The following DAB1 variants were observed in gnomAD, a reference collection of about 807,000 sequenced individuals.
DAB1 encodes DAB adaptor protein 1, also known as disabled homolog 1.
DAB1 carries 15 observed loss-of-function variants against 64.6 expected under a neutral mutation model. The ratio of observed to expected loss-of-function variants is 0.23; its 90% CI spans 0.16 to 0.36. The LOEUF (loss-of-function observed/expected upper bound fraction) is 0.36. Among genes scored for constraint, DAB1 ranks in the 10% least tolerant of loss-of-function variants. The pLI, the probability that DAB1 is intolerant of heterozygous loss-of-function variation, is 1.00. For synonymous variants in DAB1, 235 were observed against 251.9 expected (o/e 0.93, Z 0.64); for missense variants, 596 against 706.7 (o/e 0.84, Z 1.78).
intron 7 of DAB1, among the ~76,000 whole-genome samples, chr1:57,512,437 G>A (rs371739670): frequency 3.3e-5 from 5 of 152,300 alleles, no homozygotes; most frequent in African/African-American, 1.2e-4. Flanking sequence ...TGGGTGGAAG[G>A]CTCTAGGAAG....
At position 58,266,123 on chromosome 1, in the gene DAB1, A is replaced by G. The variant is rs575914828; in HGVS notation, n.309+77229T>C. 7.2e-5 allele frequency among the ~76,000 whole-genome samples: 11 copies of G among 152,108 alleles called. No homozygotes were observed. In the South Asian group the frequency reaches 2.3e-3, roughly 32 times the overall value. ...AGTGCATATCAAATGTGAGCTTGAC[A>G]GGGCTATGATTTAAATACAAAGATG... On this transcript the variant is annotated intron_variant and non_coding_transcript_variant, in intron 4 of 20. Transcript: ENST00000485760.
At position 57,751,130 on chromosome 1, in the gene DAB1, C is replaced by T. The variant is rs184405247; in HGVS notation, n.552-101465G>A. Among the ~76,000 whole-genome samples the T allele has an allele frequency of 7.2e-5, 11 of 152,090 alleles. No individual in the cohort carries two copies. In the Middle Eastern group the frequency reaches 0.01, roughly 141 times the overall value. ...TACACAATCCAAAGGTTGATCAGAC[C>T]GACTGACTACCTGGGAGGTGGCCTA... On this transcript the variant is annotated intron_variant and non_coding_transcript_variant, in intron 6 of 20. Transcript: ENST00000485760.
chr1:58,300,610 A>AAGAAAGAGAGAGAGAG (rs1271283598), intron 4 of DAB1, among the ~76,000 whole-genome samples: 1 of 47,008 alleles, frequency 2.1e-5, no homozygotes, highest in Non-Finnish European at 4.8e-5. Context: ...GAAAGAAAGA[A>AAGAAAGAGAGAGAGAG]AGAGAGAGAG....
chr1:58,107,516 G>A (rs1200642085), intron 5 of DAB1, among the ~76,000 whole-genome samples: 1 of 151,806 alleles, frequency 6.6e-6, no homozygotes, highest in Non-Finnish European at 1.5e-5. Context: ...CTAGCAGTCA[G>A]GGTGCCAGGG....
intron 9 of DAB1, among the ~76,000 whole-genome samples, chr1:57,036,971 A>G (rs1183386593): frequency 4.6e-5 from 7 of 152,180 alleles, no homozygotes; most frequent in Admixed American, 4.6e-4. Flanking sequence ...AAATCTCACA[A>G]AGGAAGAAAA....
intron 4 of DAB1, among the ~76,000 whole-genome samples, chr1:58,242,908 A>G (rs946776186): frequency 6.6e-6 from 1 of 152,134 alleles, no homozygotes; most frequent in Admixed American, 6.5e-5. Flanking sequence ...AAAATAACAT[A>G]AGCAAATGGC....
chr1:58,010,308 T>C (rs1221584017), intron 5 of DAB1, among the ~76,000 whole-genome samples: 1 of 152,152 alleles, frequency 6.6e-6, no homozygotes, highest in Non-Finnish European at 1.5e-5. Context: ...GAAAGAAGGA[T>C]CATATTTTGC....
At chr1:58,246,289 C>T (rs55889715) in intron 4 of DAB1, among the ~76,000 whole-genome samples, 3,926 of 152,218 alleles carry the variant, frequency 0.026, 74 homozygotes, top group African/African-American at 0.041. Flanking sequence ...ATGGGTAAGC[C>T]CCTGCTTTCA....
intron 4 of DAB1, among the ~76,000 whole-genome samples, chr1:58,224,691 T>C (rs141109470): frequency 1.4e-4 from 22 of 152,170 alleles, no homozygotes; most frequent in African/African-American, 4.8e-4. Context: ...TAATCCCCAT[T>C]TAGTAGATTT....
At chr1:57,485,029 A>G (rs966192311) in intron 7 of DAB1, among the ~76,000 whole-genome samples, 1 of 152,208 alleles carries the variant, frequency 6.6e-6, no homozygotes, top group African/African-American at 2.4e-5. Flanking sequence ...TGAACACATC[A>G]AAAGCTGTAG....
At chr1:57,796,059 A>T (rs531466664) in intron 6 of DAB1, among the ~76,000 whole-genome samples, 1 of 152,170 alleles carries the variant, frequency 6.6e-6, no homozygotes, top group Admixed American at 6.5e-5. Flanking sequence ...TGCAGATAAA[A>T]TGTAATTTAT....
intron 3 of DAB1, among the ~76,000 whole-genome samples, chr1:58,360,719 C>T (rs1026519657): frequency 7.9e-5 from 12 of 152,094 alleles, no homozygotes; most frequent in Non-Finnish European, 7.3e-5. Context: ...AAATACTGCG[C>T]TAATGAGAGA....
At chr1:57,690,028 T>C (rs1373623885) in intron 6 of DAB1, among the ~76,000 whole-genome samples, 1 of 152,228 alleles carries the variant, frequency 6.6e-6, no homozygotes, top group Non-Finnish European at 1.5e-5. Flanking sequence ...TGTGTCTGGC[T>C]TATTCCACTT....
chr1:57,782,805 T>C (rs1650160679), intron 6 of DAB1, among the ~76,000 whole-genome samples: 1 of 152,154 alleles, frequency 6.6e-6, no homozygotes, highest in African/African-American at 2.4e-5. Context: ...CGGTGATAAT[T>C]GGGTGCATGT....
At chr1:58,089,331 C>T (rs534065480) in intron 5 of DAB1, among the ~76,000 whole-genome samples, 83 of 152,358 alleles carry the variant, frequency 5.4e-4, no homozygotes, top group South Asian at 2.3e-3. Flanking sequence ...GTGCATGCAG[C>T]GCCTAGAACT....
intron 6 of DAB1, among the ~76,000 whole-genome samples, chr1:57,673,362 T>G (rs949205528): frequency 6.6e-6 from 1 of 152,178 alleles, no homozygotes; most frequent in Non-Finnish European, 1.5e-5. Context: ...TATGTGTTAT[T>G]TGAAACTTAC....
chr1:58,300,685 G>A, intron 4 of DAB1, among the ~76,000 whole-genome samples: 1 of 144,436 alleles, frequency 6.9e-6, no homozygotes, highest in African/African-American at 2.6e-5. Flanking sequence ...AGGAAGGAAG[G>A]AAGGAAGGAA....
At chr1:58,377,385 A>G (rs1252547362) in intron 3 of DAB1, among the ~76,000 whole-genome samples, 1 of 140,714 alleles carries the variant, frequency 7.1e-6, no homozygotes, top group Non-Finnish European at 1.6e-5. Flanking sequence ...GTGGTGACAA[A>G]ATCGGTCAGC....
At chr1:57,843,802 G>A (rs965060516) in intron 1 of DAB1, among the ~76,000 whole-genome samples, 3 of 152,090 alleles carry the variant, frequency 2.0e-5, no homozygotes, top group Admixed American at 6.6e-5. Flanking sequence ...TGGGCTCTGG[G>A]ATCTCTTTTC....
Sources: gnomAD v4.1 joint callset for allele counts (sites outside exome capture counted in the v4.1 genomes callset) on GRCh38, gnomAD v4.1.1 for gene constraint, MANE v1.5 for transcripts, NCBI Gene and HGNC (gene_info 2026-07-23, HGNC 2026-07-21) for gene names.